Variants in RFX3 observed in about 807,000 individuals in gnomAD.
RFX3 encodes regulatory factor X3, also known as transcription factor RFX3.
In RFX3, 14 loss-of-function variants were observed where a neutral mutation model predicts 98.6. The observed-to-expected ratio is 0.14, with a 90% confidence interval of 0.09 to 0.22. The LOEUF (loss-of-function observed/expected upper bound fraction) is 0.22, where lower values mean the gene tolerates loss of function less well. RFX3 is among the 10% of genes least tolerant of loss of function. RFX3 has a pLI of 1.00. For synonymous variants in RFX3, 383 were observed against 328.4 expected, an observed-to-expected ratio of 1.17 and a Z score of -1.80; for missense variants, 639 against 926.9, an observed-to-expected ratio of 0.69 and a Z score of 4.03.
intron 2 of RFX3, among the ~76,000 whole-genome samples, chr9:3,360,907 C>G (rs929149787): frequency 6.6e-6 from 1 of 152,106 alleles, no homozygotes; most frequent in East Asian, 1.9e-4. Context: ...AATTGTTAAG[C>G]TTATTAGTCA....
Position 3,225,123 on chromosome 9 carries a change from T to C in RFX3, c.2169A>G (p.Pro723=), listed in dbSNP as rs775507616. Residue 723 remains proline (P), a synonymous_variant, in exon 17 of 17, where the codon CCA becomes CCG. Coordinates refer to ENST00000617270, the MANE Select transcript of RFX3 (RefSeq NM_001282116.2). ...TTGTGACAATGTGCTCGCTGTGAAT[T>C]GGATTCAGGAGGCTTGGTTGCACGC... ...ETGVQPSLLN[P]IHSEHIVTST... 139 of 1,613,844 alleles carry C rather than the reference T, an allele frequency of 8.6e-5. 1 individual carries two copies. The highest frequency in any genetic ancestry group is 3.4e-6 in the Non-Finnish European group (4 of 1,179,938).
chr9:3,322,949 C>T (rs943839466), intron 4 of RFX3, among the ~76,000 whole-genome samples: 2 of 152,080 alleles, frequency 1.3e-5, no homozygotes, highest in African/African-American at 4.8e-5. Context: ...TCTTCCTTTC[C>T]TATAAGACAG....
At chr9:3,261,021 G>C (rs954378576) in intron 13 of RFX3, among the ~76,000 whole-genome samples, 1 of 150,542 alleles carries the variant, frequency 6.6e-6, no homozygotes, top group Admixed American at 6.6e-5. Flanking sequence ...GTTACTTTTT[G>C]GTATATTTTA....
At chr9:3,427,226 CAATAT>C (rs964569169) in intron 1 of RFX3, among the ~76,000 whole-genome samples, 2 of 141,430 alleles carry the variant, frequency 1.4e-5, no homozygotes, top group African/African-American at 2.6e-5. Flanking sequence ...ATATATAATA[CAATAT>C]AATATATAAA....
chr9:3,246,972 G>A (rs1177385220), intron 15 of RFX3: 1 of 727,972 alleles, frequency 1.4e-6, no homozygotes, highest in Non-Finnish European at 1.7e-6. Flanking sequence ...GGAGGTCCTT[G>A]AAGTATTTTA....
intron 1 of RFX3, among the ~76,000 whole-genome samples, chr9:3,494,066 C>T (rs1259317966): frequency 1.3e-5 from 2 of 152,010 alleles, no homozygotes; most frequent in Non-Finnish European, 2.9e-5. Flanking sequence ...AATCTATGTA[C>T]TTAGTATGAT....
intron 4 of RFX3, among the ~76,000 whole-genome samples, chr9:3,310,412 T>A (rs1829824812): frequency 6.6e-6 from 1 of 152,198 alleles, no homozygotes; most frequent in Non-Finnish European, 1.5e-5. Flanking sequence ...TCTTTATAGG[T>A]CAAGGCATGT....
intron 1 of RFX3, among the ~76,000 whole-genome samples, chr9:3,500,818 C>T (rs1815921062): frequency 6.6e-6 from 1 of 152,098 alleles, no homozygotes; most frequent in Non-Finnish European, 1.5e-5. Context: ...TGTTAACTTC[C>T]AAAACAGTTA....
intron 1 of RFX3, among the ~76,000 whole-genome samples, chr9:3,459,637 A>G (rs1489307738): frequency 6.6e-6 from 1 of 152,100 alleles, no homozygotes; most frequent in African/African-American, 2.4e-5. Flanking sequence ...ATTTCCATAG[A>G]CATACTCATG....
intron 4 of RFX3, among the ~76,000 whole-genome samples, chr9:3,309,033 C>T (rs1375841819): frequency 6.6e-6 from 1 of 152,096 alleles, no homozygotes; most frequent in African/African-American, 2.4e-5. Context: ...GTAGTACGGT[C>T]ACAAATGTGA....
intron 7 of RFX3, among the ~76,000 whole-genome samples, chr9:3,279,517 T>C (rs1353349639): frequency 6.6e-6 from 1 of 151,854 alleles, no homozygotes; most frequent in Non-Finnish European, 1.5e-5. Context: ...TGCCCAGTTA[T>C]GCTCTGCCAC....
intron 2 of RFX3, among the ~76,000 whole-genome samples, chr9:3,373,690 A>G (rs1838105746): frequency 1.3e-5 from 2 of 152,142 alleles, no homozygotes; most frequent in Non-Finnish European, 2.9e-5. Context: ...TTATATACAG[A>G]CCTGTTTGCC....
chr9:3,453,182 C>T (rs144437822), intron 1 of RFX3, among the ~76,000 whole-genome samples: 3 of 151,898 alleles, frequency 2.0e-5, no homozygotes, highest in South Asian at 2.1e-4. Context: ...AGTCTGTAGA[C>T]GAGATCTGAT....
intron 1 of RFX3, among the ~76,000 whole-genome samples, chr9:3,440,465 T>C (rs950335094): frequency 6.6e-6 from 1 of 152,036 alleles, no homozygotes; most frequent in African/African-American, 2.4e-5. Flanking sequence ...ACCTAAAAGC[T>C]GCAATTAAAA....
intron 1 of RFX3, among the ~76,000 whole-genome samples, chr9:3,504,864 T>C (rs185399421): frequency 0.081 from 5,747 of 70,578 alleles, 653 homozygotes; most frequent in East Asian, 0.47. Flanking sequence ...TATGATATAA[T>C]ATATATTATA....
intron 1 of RFX3, among the ~76,000 whole-genome samples, chr9:3,423,778 C>CAT (rs61209874): frequency 0.096 from 10,612 of 110,692 alleles, 575 homozygotes; most frequent in Middle Eastern, 0.14. Context: ...TATATATTTT[C>CAT]ATATATATAT....
rs554788895 is a variant in RFX3 at position 3,423,918 on chromosome 9, C to T, written c.-8-28322G>A. Among the ~76,000 whole-genome samples the T allele has an allele frequency of 3.3e-3, 496 of 151,006 alleles. 6 individuals are homozygous for T. Among genetic ancestry groups the T allele is most frequent in the African/African-American group, 0.011 (468 of 41,290 alleles). On this transcript the variant is annotated intron_variant, in intron 1 of 16. Transcript: ENST00000617270. ...ATCCCAGCACTCTGGGAGGCCGAGG[C>T]GGGGGGACCACAAGGTCAGGAGATC...
chr9:3,229,247 C>A (rs890717449), intron 15 of RFX3, among the ~76,000 whole-genome samples: 3 of 152,202 alleles, frequency 2.0e-5, no homozygotes, highest in Admixed American at 6.5e-5. Context: ...CCCAATCAAG[C>A]AGGACACATC....
At chr9:3,509,319 A>G (rs1454377600) in intron 1 of RFX3, among the ~76,000 whole-genome samples, 1 of 151,998 alleles carries the variant, frequency 6.6e-6, no homozygotes, top group Non-Finnish European at 1.5e-5. Context: ...TACAAGAACA[A>G]AGATTTCCAT....
Sources: gnomAD v4.1 joint callset for allele counts (sites outside exome capture counted in the v4.1 genomes callset) on GRCh38, gnomAD v4.1.1 for gene constraint, MANE v1.5 for transcripts, NCBI Gene and HGNC (gene_info 2026-07-23, HGNC 2026-07-21) for gene names.